The following TPH2 variants were observed in gnomAD, a reference collection of about 807,000 sequenced individuals.
TPH2 encodes the protein tryptophan 5-hydroxylase 2.
In TPH2, 27 loss-of-function variants were observed where a neutral mutation model predicts 59.1. That is an observed-to-expected ratio of 0.46 (90% CI 0.34 to 0.63). The LOEUF (loss-of-function observed/expected upper bound fraction) is 0.63, where lower values mean the gene tolerates loss of function less well. Among genes scored for constraint, TPH2 ranks in the 30% least tolerant of loss-of-function variants. The probability of loss-of-function intolerance (pLI) is 0.01; values close to 1 mark genes in which losing one functional copy is unlikely to be tolerated. For synonymous variants in TPH2, 220 were observed against 210.5 expected (o/e 1.05, Z -0.39); for missense variants, 523 against 588.3 (o/e 0.89, Z 1.15).
At chr12:71,975,424 C>T (rs745338782) in intron 6 of TPH2, among the ~76,000 whole-genome samples, 1 of 152,128 alleles carries the variant, frequency 6.6e-6, no homozygotes, top group Admixed American at 6.6e-5. Context: ...TGGATTTGGC[C>T]TCCAGGTGAT....
intron 4 of TPH2, 117 bp downstream of exon 4, chr12:71,944,803 C>G (rs1871159314): frequency 2.0e-6 from 2 of 988,222 alleles, no homozygotes; most frequent in Admixed American, 3.8e-5. Context: ...TTATTTATTC[C>G]CCATAACTGA....
intron 7 of TPH2, among the ~76,000 whole-genome samples, chr12:71,990,816 G>A (rs186332693): frequency 3.9e-5 from 6 of 152,170 alleles, no homozygotes; most frequent in African/African-American, 7.2e-5. Flanking sequence ...GGGTCTCTGC[G>A]TGGAAATGGA....
intron 6 of TPH2, among the ~76,000 whole-genome samples, chr12:71,975,852 T>C (rs1287613330): frequency 2.0e-5 from 3 of 152,264 alleles, no homozygotes; most frequent in Non-Finnish European, 4.4e-5. Context: ...GACTGTATTC[T>C]CCTGTCATCT....
At position 71,950,244 on chromosome 12, in the gene TPH2, G is replaced by A. The variant is rs191442650; in HGVS notation, c.608+589G>A. Among the ~76,000 whole-genome samples, 655 of 152,256 alleles carry A rather than the reference G, an allele frequency of 4.3e-3. 4 individuals carry two copies. The highest frequency in any genetic ancestry group is 0.015 in the African/African-American group (624 of 41,544). ...TGCTAAGTGGCAGTGACTTTCACTC[G>A]CATCCGTGTGAAGAGACCACCAAAC... On this transcript the variant is annotated intron_variant, in intron 5 of 10. Coordinates refer to ENST00000333850, the MANE Select transcript of TPH2 (RefSeq NM_173353.4).
intron 7 of TPH2, 130 bp from the exon 8 acceptor site, chr12:71,994,309 C>T (rs1872643166): frequency 3.1e-6 from 3 of 959,728 alleles, no homozygotes; most frequent in African/African-American, 1.6e-5. Context: ...TAAGAAGTCC[C>T]AGCATTGATG....
chr12:71,993,513 G>A (rs1872626393), intron 7 of TPH2, among the ~76,000 whole-genome samples: 1 of 152,174 alleles, frequency 6.6e-6, no homozygotes, highest in African/African-American at 2.4e-5. Context: ...GACTCAGGAA[G>A]GCATCTGCCT....
At chr12:71,973,996 G>A (rs943155544) in intron 6 of TPH2, among the ~76,000 whole-genome samples, 3 of 152,012 alleles carry the variant, frequency 2.0e-5, no homozygotes, top group Admixed American at 6.6e-5. Context: ...AAAGTTTCAC[G>A]GTGGTCCCGC....
intron 9 of TPH2, among the ~76,000 whole-genome samples, chr12:72,024,911 C>T (rs1364438951): frequency 6.6e-6 from 1 of 152,184 alleles, no homozygotes; most frequent in Admixed American, 6.6e-5. Context: ...TATACCTCAA[C>T]ACCCCTAAGA....
chr12:72,028,042 T>G (rs952955811), intron 9 of TPH2, among the ~76,000 whole-genome samples: 1 of 152,202 alleles, frequency 6.6e-6, no homozygotes, highest in Non-Finnish European at 1.5e-5. Flanking sequence ...CCCAGCCCTG[T>G]GCCCTTGTCT....
intron 9 of TPH2, 77 bp downstream of exon 9, chr12:72,022,571 G>A (rs966696477): frequency 1.8e-5 from 20 of 1,130,278 alleles, no homozygotes; most frequent in South Asian, 1.5e-4. Flanking sequence ...TTGTTTGTCT[G>A]AGCATTTCTA....
At chr12:71,998,396 G>C (rs1872745288) in intron 8 of TPH2, among the ~76,000 whole-genome samples, 2 of 152,100 alleles carry the variant, frequency 1.3e-5, no homozygotes, top group Admixed American at 1.3e-4. Flanking sequence ...GAGGCTAAGG[G>C]AGATTGTTCC....
chr12:71,963,437 T>TAC (rs1477572707), intron 5 of TPH2, among the ~76,000 whole-genome samples: 1 of 46,574 alleles, frequency 2.1e-5, no homozygotes, highest in African/African-American at 6.2e-5. Context: ...TGTGTGTATA[T>TAC]ACATACATAT....
chr12:71,982,280 C>G (rs1291325648), intron 7 of TPH2, among the ~76,000 whole-genome samples: 2 of 151,886 alleles, frequency 1.3e-5, no homozygotes, highest in African/African-American at 4.8e-5. Context: ...GCTGGGATTA[C>G]AGGCCATTCA....
intron 6 of TPH2, among the ~76,000 whole-genome samples, chr12:71,978,440 T>C (rs1455341352): frequency 6.6e-6 from 1 of 152,196 alleles, no homozygotes; most frequent in Non-Finnish European, 1.5e-5. Context: ...CATGATAATT[T>C]ATATAACATC....
intron 5 of TPH2, among the ~76,000 whole-genome samples, chr12:71,959,206 A>T (rs10748187): frequency 1.3e-5 from 2 of 152,146 alleles, no homozygotes; most frequent in Admixed American, 1.3e-4. Context: ...GAATGGATGT[A>T]CCTTGGAATG....
intron 1 of TPH2, 126 bp downstream of exon 1, chr12:71,939,217 G>A: frequency 1.3e-6 from 1 of 755,052 alleles, no homozygotes; most frequent in African/African-American, 1.7e-5. Context: ...TTTATAATCT[G>A]TCTACCCTGC....
At chr12:72,007,255 C>T (rs920990043) in intron 8 of TPH2, among the ~76,000 whole-genome samples, 9 of 152,022 alleles carry the variant, frequency 5.9e-5, no homozygotes, top group African/African-American at 9.7e-5. Flanking sequence ...ACACCTCCCC[C>T]GAGCATAGAG....
intron 5 of TPH2, among the ~76,000 whole-genome samples, chr12:71,955,049 G>A (rs1871456185): frequency 6.6e-6 from 1 of 152,030 alleles, no homozygotes; most frequent in African/African-American, 2.4e-5. Flanking sequence ...CTTCCTCTTT[G>A]ATTTATTTAT....
intron 9 of TPH2, among the ~76,000 whole-genome samples, chr12:72,030,456 T>G (rs1448194291): frequency 6.6e-6 from 1 of 152,160 alleles, no homozygotes; most frequent in African/African-American, 2.4e-5. Context: ...GACCACTAAC[T>G]TTTAACATCA....
Sources: gnomAD v4.1 joint callset for allele counts (sites outside exome capture counted in the v4.1 genomes callset) on GRCh38, gnomAD v4.1.1 for gene constraint, MANE v1.5 for transcripts, NCBI Gene and HGNC (gene_info 2026-07-23, HGNC 2026-07-21) for gene names.